RIMS2: variants seen among roughly 807,000 people sequenced by gnomAD.
RIMS2 encodes regulating synaptic membrane exocytosis 2, also known as regulating synaptic membrane exocytosis protein 2.
Under a neutral mutation model 174.4 loss-of-function variants are expected in RIMS2, and 59 were observed. That is an observed-to-expected ratio of 0.34 (90% CI 0.27 to 0.42). The LOEUF is 0.42. RIMS2 is among the 10% of genes least tolerant of loss of function. The pLI is 1.00. For missense variants in RIMS2, 1,620 were observed against 1,666.3 expected (o/e 0.97, Z 0.48); for synonymous variants, 606 against 572.5 (o/e 1.06, Z -0.84).
chr8:103,910,253 C>CT (rs1238843891), intron 5 of RIMS2, 68 bp from the exon 8 acceptor site: 1 of 1,518,706 alleles, frequency 6.6e-7, no homozygotes, highest in African/African-American at 1.4e-5. Flanking sequence ...TTCACTTTTC[C>CT]TTTTTTATTT....
intron 1 of RIMS2, among the ~76,000 whole-genome samples, chr8:103,663,990 A>G (rs1293377788): frequency 2.6e-5 from 4 of 152,192 alleles, no homozygotes; most frequent in Non-Finnish European, 4.4e-5. Flanking sequence ...TACATCTACA[A>G]CCATCTGATC....
chr8:103,623,641 C>T (rs541429273), intron 1 of RIMS2, among the ~76,000 whole-genome samples: 4,598 of 146,926 alleles, frequency 0.031, 146 homozygotes, highest in African/African-American at 0.11. Context: ...CCCGCCACCA[C>T]GCCCGGCTAA....
chr8:103,995,424 G>A (rs2095026383), intron 17 of RIMS2, among the ~76,000 whole-genome samples: 1 of 152,010 alleles, frequency 6.6e-6, no homozygotes, highest in African/African-American at 2.4e-5. Flanking sequence ...CAGAGAAGTT[G>A]GGCTTTAAAG....
At chr8:104,019,605 A>C (rs1275663169) in intron 19 of RIMS2, among the ~76,000 whole-genome samples, 1 of 152,206 alleles carries the variant, frequency 6.6e-6, no homozygotes, top group African/African-American at 2.4e-5. Flanking sequence ...AAATATCATC[A>C]GTCATCTGTA....
chr8:103,609,118 A>C (rs1008917826), intron 1 of RIMS2, among the ~76,000 whole-genome samples: 1 of 151,914 alleles, frequency 6.6e-6, no homozygotes, highest in African/African-American at 2.4e-5. Context: ...GATGTTGAGC[A>C]TTTTTTCATA....
chr8:104,187,969 A>G (rs2098976833), intron 19 of RIMS2, among the ~76,000 whole-genome samples: 1 of 151,820 alleles, frequency 6.6e-6, no homozygotes, highest in Non-Finnish European at 1.5e-5. Flanking sequence ...TGCAAAATTA[A>G]TAGTGAGAGT....
At chr8:103,533,056 A>G (rs965276671) in intron 1 of RIMS2, among the ~76,000 whole-genome samples, 1 of 152,210 alleles carries the variant, frequency 6.6e-6, no homozygotes. Context: ...AGGGAAAATT[A>G]GAATATTAAA....
At chr8:104,017,496 A>G (rs1413665920) in intron 19 of RIMS2, among the ~76,000 whole-genome samples, 11 of 152,120 alleles carry the variant, frequency 7.2e-5, no homozygotes, top group Admixed American at 6.6e-4. Flanking sequence ...ACTAAAAACT[A>G]TAAGGCATTA....
chr8:103,661,276 T>C (rs1440603162), intron 1 of RIMS2, among the ~76,000 whole-genome samples: 4 of 152,224 alleles, frequency 2.6e-5, no homozygotes, highest in East Asian at 1.9e-4. Flanking sequence ...TCAGTTTTAC[T>C]ATTGATGTGC....
intron 3 of RIMS2, among the ~76,000 whole-genome samples, chr8:103,875,254 A>C (rs78763830): frequency 0.012 from 1,747 of 151,626 alleles, 41 homozygotes; most frequent in African/African-American, 0.04. Flanking sequence ...GATTTTTTTT[A>C]TCTCTCACTC....
intron 1 of RIMS2, chr8:103,568,759 AG>A: frequency 9.2e-7 from 1 of 1,088,948 alleles, no homozygotes; most frequent in Non-Finnish European, 1.4e-6. Flanking sequence ...TCACTGGGTA[AG>A]GAATCTATCA....
intron 2 of RIMS2, among the ~76,000 whole-genome samples, chr8:103,752,502 C>T (rs1367551993): frequency 2.6e-5 from 4 of 152,096 alleles, no homozygotes; most frequent in African/African-American, 9.7e-5. Flanking sequence ...TCATTGGTAG[C>T]TTGATGGGGA....
At chr8:103,814,262 G>A (rs1031475553) in intron 3 of RIMS2, among the ~76,000 whole-genome samples, 3 of 152,104 alleles carry the variant, frequency 2.0e-5, no homozygotes, top group Admixed American at 6.6e-5. Flanking sequence ...TGGAGGATAG[G>A]AGGAGGGAGA....
At chr8:104,174,635 C>T (rs2098862566) in intron 19 of RIMS2, among the ~76,000 whole-genome samples, 1 of 152,126 alleles carries the variant, frequency 6.6e-6, no homozygotes, top group African/African-American at 2.4e-5. Context: ...CACAGTTGCT[C>T]TTTACAGTAG....
At chr8:104,104,882 G>GATA (rs2098008519) in intron 19 of RIMS2, among the ~76,000 whole-genome samples, 1 of 116,532 alleles carries the variant, frequency 8.6e-6, no homozygotes, top group Non-Finnish European at 1.9e-5. Flanking sequence ...CCTGTCTCAA[G>GATA]AAAAAAAAAA....
intron 3 of RIMS2, among the ~76,000 whole-genome samples, chr8:103,879,579 C>A (rs930091551): frequency 1.3e-5 from 2 of 151,500 alleles, no homozygotes; most frequent in African/African-American, 2.4e-5. Context: ...AAATCACATT[C>A]TCTGTCCACA....
intron 2 of RIMS2, among the ~76,000 whole-genome samples, chr8:103,718,047 C>T (rs2097395977): frequency 6.6e-6 from 1 of 152,152 alleles, no homozygotes; most frequent in African/African-American, 2.4e-5. Context: ...TATACAAGCT[C>T]TTGAACTCAT....
chr8:103,650,990 G>A (rs1463161305), intron 1 of RIMS2, among the ~76,000 whole-genome samples: 1 of 152,192 alleles, frequency 6.6e-6, no homozygotes, highest in Non-Finnish European at 1.5e-5. Flanking sequence ...TGGATCTCCT[G>A]CCTTGATGCA....
Position 103,515,905 on chromosome 8 carries a change from A to G in RIMS2, c.176+14843A>G, listed in dbSNP as rs765743804. 5.9e-5 allele frequency among the ~76,000 whole-genome samples: 9 copies of G among 152,040 alleles called. No individual in the cohort carries two copies. In the South Asian group the frequency reaches 8.3e-4, roughly 14 times the overall value. ...CTATAGTGTCAGTTATTAACTTAAT[A>G]CTGTTTGCTGACTATAGATTCATTA... On this transcript the variant is annotated intron_variant, in intron 1 of 23. Transcript: ENST00000504942.
Sources: gnomAD v4.1 joint callset for allele counts (sites outside exome capture counted in the v4.1 genomes callset) on GRCh38, gnomAD v4.1.1 for gene constraint, MANE v1.5 for transcripts, NCBI Gene and HGNC (gene_info 2026-07-23, HGNC 2026-07-21) for gene names.